The following SORCS2 variants were observed in gnomAD, a reference collection of about 807,000 sequenced individuals.
SORCS2 encodes the protein VPS10 domain-containing receptor SorCS2.
SORCS2 carries 100 observed loss-of-function variants against 141.6 expected under a neutral mutation model. That is an observed-to-expected ratio of 0.71 (90% confidence interval 0.60 to 0.83). SORCS2 has a LOEUF of 0.83. Ranked by LOEUF, SORCS2 falls within the 40% of genes least tolerant of loss-of-function variation. The pLI is 0.00. For missense variants in SORCS2, 1,646 were observed against 1,560.2 expected (o/e 1.05, Z -0.93); for synonymous variants, 789 against 676.9 (o/e 1.17, Z -2.57).
At chr4:7,413,376 G>A (rs1042766133) in intron 2 of SORCS2, among the ~76,000 whole-genome samples, 2 of 127,800 alleles carry the variant, frequency 1.6e-5, no homozygotes, top group Non-Finnish European at 3.4e-5. Context: ...ATGATCCTCC[G>A]TATTTTCACA....
chr4:7,414,925 G>A (rs542890257), intron 2 of SORCS2, among the ~76,000 whole-genome samples: 8 of 151,006 alleles, frequency 5.3e-5, no homozygotes, highest in Non-Finnish European at 7.4e-5. Context: ...CTCACAAAAC[G>A]GGGTTGGGTG....
At chr4:7,610,552 C>T (rs945191725) in intron 3 of SORCS2, among the ~76,000 whole-genome samples, 2 of 152,130 alleles carry the variant, frequency 1.3e-5, no homozygotes, top group Admixed American at 6.5e-5. Flanking sequence ...AAGAAACAGC[C>T]GGGCCATAGC....
intron 2 of SORCS2, among the ~76,000 whole-genome samples, chr4:7,413,159 C>T (rs1725437646): frequency 6.6e-6 from 1 of 152,024 alleles, no homozygotes; most frequent in African/African-American, 2.4e-5. Flanking sequence ...AATTCTCCCT[C>T]AAAAAGTACC....
At position 7,729,589 on chromosome 4, in the gene SORCS2, G is replaced by C; in HGVS notation, c.2985G>C (p.Glu995Asp). Residue 995 changes from glutamate to aspartate, a missense_variant and splice_region_variant, in exon 23 of 27, where the codon GAG (glutamate) becomes GAC (aspartate). Transcript: ENST00000507866. ...AAGTGGCTTAACTCTCCCCGCAGGAGACCAGCGTCCCTCAGGAGCTTCTGG... is the reference window on the plus strand; with the variant it reads ...AAGTGGCTTAACTCTCCCCGCAGGACACCAGCGTCCCTCAGGAGCTTCTGG... ...GLVVTRLLSK[E>D]TSVPQELLVT... is the part of the protein sequence containing the mutation. 1 of 1,582,260 alleles carries C rather than the reference G, an allele frequency of 6.3e-7. No homozygotes were observed. The highest frequency in any genetic ancestry group is 8.6e-7 in the Non-Finnish European group (1 of 1,164,412).
At chr4:7,699,878 C>T (rs1203897003) in intron 12 of SORCS2, among the ~76,000 whole-genome samples, 1 of 152,172 alleles carries the variant, frequency 6.6e-6, no homozygotes, top group African/African-American at 2.4e-5. Context: ...ATTCATTTTC[C>T]TCCTAAATCA....
intron 2 of SORCS2, among the ~76,000 whole-genome samples, chr4:7,428,271 C>T (rs958681341): frequency 6.6e-6 from 1 of 152,332 alleles, no homozygotes; most frequent in African/African-American, 2.4e-5. Flanking sequence ...CAGAAACACA[C>T]AACCGCAGGG....
intron 3 of SORCS2, among the ~76,000 whole-genome samples, chr4:7,628,890 T>A (rs956630592): frequency 6.6e-6 from 1 of 152,120 alleles, no homozygotes; most frequent in Non-Finnish European, 1.5e-5. Context: ...TTTGCCACAA[T>A]AAGAAATAAT....
chr4:7,471,556 C>T (rs1242933095), intron 2 of SORCS2, among the ~76,000 whole-genome samples: 1 of 152,188 alleles, frequency 6.6e-6, no homozygotes, highest in African/African-American at 2.4e-5. Context: ...CAGTGGCCCT[C>T]CAGCGGGGCT....
intron 1 of SORCS2, among the ~76,000 whole-genome samples, chr4:7,222,397 T>C (rs1412873137): frequency 6.6e-6 from 1 of 152,206 alleles, no homozygotes; most frequent in African/African-American, 2.4e-5. Flanking sequence ...AGCCACATAC[T>C]GTATGGCTGC....
At position 7,740,512 on chromosome 4, in the gene SORCS2, G is replaced by T. The variant is rs181197155; in HGVS notation, c.*248G>T. 3,710 of 548,866 alleles carry T rather than the reference G, an allele frequency of 6.8e-3. 27 individuals are homozygous for T. Among genetic ancestry groups the T allele is most frequent in the Non-Finnish European group, 6.9e-3 (2,096 of 303,268 alleles). 34.0% of individuals were successfully genotyped at this position (548,866 alleles called of 1,614,324 possible). ...GGGACACCAGGCCTGACTCAGGCAG[G>T]TTCTGCCCCCCAGACCCCACACACG... On this transcript the variant is annotated 3_prime_UTR_variant, in exon 27 of 27. Coordinates refer to ENST00000507866, the MANE Select transcript of SORCS2 (RefSeq NM_020777.3).
chr4:7,740,437 G>A lies in SORCS2; in HGVS notation c.*173G>A. 1.6e-6 allele frequency: 1 copy of A among 618,336 alleles called. No individual in the cohort carries two copies. Among genetic ancestry groups the A allele is most frequent in the East Asian group, 2.8e-5 (1 of 35,972 alleles). 38.3% of individuals were successfully genotyped at this position (618,336 alleles called of 1,614,324 possible). ...AAATCCAAGCCCGCCCAGGCCCACGGGGGGCCCACGGGACCCCCCGGGACT... is the reference window on the plus strand; with the variant it reads ...AAATCCAAGCCCGCCCAGGCCCACGAGGGGCCCACGGGACCCCCCGGGACT... On this transcript the variant is annotated 3_prime_UTR_variant, in exon 27 of 27. Coordinates refer to ENST00000507866, the MANE Select transcript of SORCS2 (RefSeq NM_020777.3).
intron 2 of SORCS2, among the ~76,000 whole-genome samples, chr4:7,520,535 C>A (rs1733261904): frequency 6.6e-6 from 1 of 152,182 alleles, no homozygotes; most frequent in Admixed American, 6.5e-5. Context: ...AGTGTCACAG[C>A]CCCCAGCACC....
chr4:7,714,079 C>G (rs996905575), intron 15 of SORCS2, among the ~76,000 whole-genome samples, 161 bp from the exon 16 acceptor site: 1 of 152,210 alleles, frequency 6.6e-6, no homozygotes, highest in African/African-American at 2.4e-5. Flanking sequence ...GCTTCCCCAA[C>G]TTGACTGCAG....
rs1433826348 is a variant in SORCS2, at chr4:7,661,558, G to A, written c.946G>A (p.Gly316Ser). ...GGTCCACGTGGAAGCCCAAGACCTC[G>A]GTGGAGGTAAGCCGGGCAGTGCACA... is the stretch of plus-strand genomic sequence containing the variant. ...DLVHVEAQDL[G>S]GDFRYVTCAI... is the part of the protein sequence containing the mutation. Residue 316 changes from glycine (G) to serine (S), a missense_variant, in exon 6 of 27, where the codon GGT becomes AGT. Gly to Ser is a moderately conservative substitution (Grantham distance 56). Coordinates refer to ENST00000507866, the MANE Select transcript of SORCS2 (RefSeq NM_020777.3). 7.7e-6 allele frequency: 12 copies of A among 1,551,716 alleles called. No individual in the cohort carries two copies. Among genetic ancestry groups the A allele is most frequent in the South Asian group, 6.0e-5 (5 of 84,014 alleles).
intron 3 of SORCS2, among the ~76,000 whole-genome samples, chr4:7,596,353 C>T (rs551361001): frequency 1.3e-5 from 2 of 152,226 alleles, no homozygotes; most frequent in South Asian, 2.1e-4. Context: ...GTTGAAGTGC[C>T]GACAGTGTGC....
At chr4:7,197,337 G>A (rs1727230947) in intron 1 of SORCS2, among the ~76,000 whole-genome samples, 1 of 152,152 alleles carries the variant, frequency 6.6e-6, no homozygotes, top group Non-Finnish European at 1.5e-5. Context: ...GATTTTGGTG[G>A]GGGGACACAG....
chr4:7,723,708 G>A lies in SORCS2; in HGVS notation c.2436G>A (p.Leu812=). Residue 812 remains leucine, a synonymous_variant, in exon 19 of 27, where the codon CTG becomes CTA. Coordinates refer to ENST00000507866, the MANE Select transcript of SORCS2 (RefSeq NM_020777.3). ...FVVRQEQGDV[L]TTKYQVDLGD... is the part of the protein sequence containing the mutation. ...GTGTTTCTCTGCAGGGTGATGTCCT[G>A]ACTACCAAGTACCAGGTAGACCTTG... 6.2e-7 allele frequency: 1 copy of A among 1,613,966 alleles called. No homozygotes were observed. The highest frequency in any genetic ancestry group is 1.3e-5 in the African/African-American group (1 of 75,042).
rs749398742 is a variant in SORCS2, at chr4:7,741,560, A to G, written c.*1296A>G. On this transcript the variant is annotated 3_prime_UTR_variant, in exon 27 of 27. Coordinates refer to ENST00000507866, the MANE Select transcript of SORCS2 (RefSeq NM_020777.3). ...CTCAGATGACCGTGGCCTCCCTCTCAGAGGGGGAGAACGCCAGAGCCCTGG... is the reference window on the plus strand; with the variant it reads ...CTCAGATGACCGTGGCCTCCCTCTCGGAGGGGGAGAACGCCAGAGCCCTGG... 9 of 288,284 alleles carry G rather than the reference A, an allele frequency of 3.1e-5. No individual in the cohort carries two copies. The highest frequency in any genetic ancestry group is 5.2e-5 in the Admixed American group (1 of 19,114). The allele number at this position is 288,284 out of a possible 1,614,324, so 17.9% of individuals were successfully genotyped here. A position where few individuals can be genotyped will look rare whatever the true frequency, so the allele number is the denominator to read the frequency against.
chr4:7,308,427 G>A (rs1298228376), intron 1 of SORCS2, among the ~76,000 whole-genome samples: 1 of 152,160 alleles, frequency 6.6e-6, no homozygotes, highest in Non-Finnish European at 1.5e-5. Flanking sequence ...GGGGGTAGAT[G>A]GGCTCCGTAT....
Sources: gnomAD v4.1 joint callset for allele counts (sites outside exome capture counted in the v4.1 genomes callset) on GRCh38, gnomAD v4.1.1 for gene constraint, MANE v1.5 for transcripts, NCBI Gene and HGNC (gene_info 2026-07-23, HGNC 2026-07-21) for gene names.